The following DNAAF11 variants were observed in gnomAD, a reference collection of about 807,000 sequenced individuals.
DNAAF11 encodes dynein axonemal assembly factor 11.
In DNAAF11, 45 loss-of-function variants were observed where a neutral mutation model predicts 60.8. The observed-to-expected ratio is 0.74, with a 90% CI of 0.58 to 0.95. The LOEUF (loss-of-function observed/expected upper bound fraction) is 0.95. Ranked by LOEUF, DNAAF11 falls within the 40% of genes least tolerant of loss-of-function variation. The pLI is 0.00. For missense variants in DNAAF11, 546 were observed against 546.2 expected (o/e 1.00, Z 0.00); for synonymous variants, 191 against 183.5 (o/e 1.04, Z -0.33).
rs542335066 is a variant in DNAAF11, at chr8:132,667,206, C to A, written c.11-5579G>T. ...TTGTCATGAAAAGATAATGTCAAATCTTTGCCCCACCATTCTCTACCTGTT... is the reference window on the plus strand; with the variant it reads ...TTGTCATGAAAAGATAATGTCAAATATTTGCCCCACCATTCTCTACCTGTT... On this transcript the variant is annotated intron_variant, in intron 1 of 11. Coordinates refer to ENST00000620350, the MANE Select transcript of DNAAF11 (RefSeq NM_012472.6). 3.9e-5 allele frequency among the ~76,000 whole-genome samples: 6 copies of A among 152,306 alleles called. No individual in the cohort carries two copies. The East Asian group carries it at 5.8e-4, about 15-fold the overall frequency.
At chr8:132,640,988 C>T (rs1164661025) in intron 3 of DNAAF11, among the ~76,000 whole-genome samples, 1 of 152,038 alleles carries the variant, frequency 6.6e-6, no homozygotes, top group East Asian at 1.9e-4. Context: ...ATAGTGGTAA[C>T]ATTGTTCATT....
At chr8:132,626,995 TATAGAGTAAA>T (rs1255972410) in intron 5 of DNAAF11, among the ~76,000 whole-genome samples, 1 of 152,202 alleles carries the variant, frequency 6.6e-6, no homozygotes, top group East Asian at 1.9e-4. Context: ...ATCAATAGAA[TATAGAGTAAA>T]ATTCTGCTTA....
At chr8:132,626,673 G>A (rs573025075) in intron 5 of DNAAF11, among the ~76,000 whole-genome samples, 33 of 152,108 alleles carry the variant, frequency 2.2e-4, no homozygotes, top group African/African-American at 6.5e-4. Context: ...TCATTTAAGC[G>A]ATAAACATTA....
intron 3 of DNAAF11, among the ~76,000 whole-genome samples, chr8:132,648,455 A>C (rs1822631017): frequency 6.6e-6 from 1 of 152,230 alleles, no homozygotes; most frequent in Non-Finnish European, 1.5e-5. Context: ...GGCACAAGAC[A>C]GGGATGCCCT....
intron 10 of DNAAF11, among the ~76,000 whole-genome samples, chr8:132,600,263 A>G (rs1329643187): frequency 6.6e-6 from 1 of 152,186 alleles, no homozygotes; most frequent in African/African-American, 2.4e-5. Context: ...CTGCTCAACA[A>G]AATAAAAGAG....
intron 1 of DNAAF11, among the ~76,000 whole-genome samples, chr8:132,669,963 A>AAG: frequency 6.6e-6 from 1 of 150,744 alleles, no homozygotes; most frequent in Non-Finnish European, 1.5e-5. Context: ...AAAAAAAAAA[A>AAG]AATTACACAG....
chr8:132,594,507 C>T (rs187914187), intron 10 of DNAAF11, among the ~76,000 whole-genome samples: 1 of 152,272 alleles, frequency 6.6e-6, no homozygotes, highest in East Asian at 1.9e-4. Context: ...TATGGTTTGA[C>T]TCTGTGTCCC....
intron 9 of DNAAF11, among the ~76,000 whole-genome samples, 154 bp downstream of exon 9, chr8:132,611,140 C>T (rs543844115): frequency 2.6e-5 from 4 of 152,224 alleles, no homozygotes; most frequent in South Asian, 2.1e-4. Flanking sequence ...GTGATCCGCC[C>T]GCCTTGGCCT....
At chr8:132,667,996 T>A (rs1201661124) in intron 1 of DNAAF11, among the ~76,000 whole-genome samples, 1 of 152,176 alleles carries the variant, frequency 6.6e-6, no homozygotes, top group African/African-American at 2.4e-5. Context: ...TAAACAACTC[T>A]TTTTTTCCTA....
At chr8:132,675,599 C>T (rs2130926323), upstream of DNAAF11, 1 of 1,233,648 alleles carries the variant, frequency 8.1e-7, no homozygotes, top group Non-Finnish European at 1.1e-6. Context: ...AATTCAGGAG[C>T]CATGGCAACG....
At chr8:132,638,875 T>C (rs1821576972) in intron 3 of DNAAF11, among the ~76,000 whole-genome samples, 1 of 152,198 alleles carries the variant, frequency 6.6e-6, no homozygotes, top group South Asian at 2.1e-4. Context: ...ATTTGGAGGC[T>C]AGGAGTCCAG....
the DNAAF11 span, among the ~76,000 whole-genome samples, chr8:132,702,395 T>C: frequency 2.0e-5 from 3 of 152,226 alleles, no homozygotes; most frequent in Non-Finnish European, 4.4e-5. Flanking sequence ...TTTGCCTTTA[T>C]ACCATTCTAA....
At position 132,622,704 on chromosome 8, in the gene DNAAF11, G is replaced by T; in HGVS notation, c.837-16C>A. On this transcript the variant is annotated splice_polypyrimidine_tract_variant and intron_variant, in intron 6 of 11. Transcript: ENST00000620350. ...CTTTTTTTCACTTAAGATTGGTGGT[G>T]GATGAGAACAATGGGCAGCATGGAA... 6.4e-7 allele frequency: 1 copy of T among 1,570,324 alleles called. No individual in the cohort carries two copies. The highest frequency in any genetic ancestry group is 8.8e-7 in the Non-Finnish European group (1 of 1,141,126).
At chr8:132,610,319 AC>A (rs1245827849) in intron 9 of DNAAF11, 58 bp from the exon 10 acceptor site, 1 of 1,086,670 alleles carries the variant, frequency 9.2e-7, no homozygotes, top group East Asian at 2.4e-5. Context: ...TGAGAGGGTT[AC>A]TAAAAGGGGC....
At chr8:132,688,869 C>T in the DNAAF11 span, among the ~76,000 whole-genome samples, 1 of 152,160 alleles carries the variant, frequency 6.6e-6, no homozygotes, top group African/African-American at 2.4e-5. Flanking sequence ...TATTAATATA[C>T]TCAGAATCAC....
chr8:132,648,575 T>G (rs571809693), intron 3 of DNAAF11, among the ~76,000 whole-genome samples: 27 of 152,366 alleles, frequency 1.8e-4, no homozygotes, highest in Non-Finnish European at 3.1e-4. Context: ...AAATTGTCCC[T>G]GTGTGCAGAT....
At chr8:132,683,653 A>T in the DNAAF11 span, among the ~76,000 whole-genome samples, 1 of 152,328 alleles carries the variant, frequency 6.6e-6, no homozygotes, top group East Asian at 1.9e-4. Context: ...CCAAGCCTTC[A>T]GGTTCTTCTG....
the DNAAF11 span, among the ~76,000 whole-genome samples, chr8:132,701,351 G>A: frequency 6.6e-6 from 1 of 152,218 alleles, no homozygotes; most frequent in Non-Finnish European, 1.5e-5. Context: ...AATGACCACA[G>A]AGGAAATGAT....
chr8:132,667,290 T>C (rs566820099), intron 1 of DNAAF11, among the ~76,000 whole-genome samples: 7 of 152,336 alleles, frequency 4.6e-5, no homozygotes, highest in African/African-American at 1.7e-4. Flanking sequence ...ATCTGTAAAC[T>C]GGAGATAATG....
Sources: gnomAD v4.1 joint callset for allele counts (sites outside exome capture counted in the v4.1 genomes callset) on GRCh38, gnomAD v4.1.1 for gene constraint, MANE v1.5 for transcripts, NCBI Gene and HGNC (gene_info 2026-07-23, HGNC 2026-07-21) for gene names.